Variants in PITPNC1 observed in about 807,000 individuals in gnomAD.
PITPNC1 encodes phosphatidylinositol transfer protein cytoplasmic 1.
Under a neutral mutation model 44.7 loss-of-function variants are expected in PITPNC1, and 18 were observed. The ratio of observed to expected loss-of-function variants is 0.40; its 90% CI spans 0.28 to 0.60. The LOEUF is 0.60. Ranked by LOEUF, PITPNC1 falls within the 20% of genes least tolerant of loss-of-function variation. PITPNC1 has a pLI of 0.39. For synonymous variants in PITPNC1, 141 were observed against 149.6 expected, an observed-to-expected ratio of 0.94 and a Z score of 0.42; for missense variants, 290 against 418.4, an observed-to-expected ratio of 0.69 and a Z score of 2.68.
chr17:67,489,962 T>A (rs2039838861), intron 1 of PITPNC1, among the ~76,000 whole-genome samples: 1 of 152,156 alleles, frequency 6.6e-6, no homozygotes, highest in Non-Finnish European at 1.5e-5. Context: ...CAGGCTGGTC[T>A]CGAACCTCAA....
chr17:67,427,907 G>T (rs1387926192), intron 1 of PITPNC1, among the ~76,000 whole-genome samples: 1 of 152,214 alleles, frequency 6.6e-6, no homozygotes, highest in African/African-American at 2.4e-5. Flanking sequence ...TGTCTGAAAT[G>T]ATAATAGTTC....
At chr17:67,584,583 A>G (rs1052076128) in intron 5 of PITPNC1, among the ~76,000 whole-genome samples, 4 of 152,138 alleles carry the variant, frequency 2.6e-5, no homozygotes, top group African/African-American at 9.7e-5. Flanking sequence ...CAGGGTGTAG[A>G]GGATGCATAG....
At chr17:67,606,497 CGGAGACGTTT>C (rs1439658609) in intron 5 of PITPNC1, among the ~76,000 whole-genome samples, 1 of 152,216 alleles carries the variant, frequency 6.6e-6, no homozygotes, top group Admixed American at 6.5e-5. Context: ...TCGGCTAAGT[CGGAGACGTTT>C]GCAGATGCAG....
At chr17:67,573,738 T>C (rs2041095972) in intron 4 of PITPNC1, among the ~76,000 whole-genome samples, 1 of 151,948 alleles carries the variant, frequency 6.6e-6, no homozygotes, top group Non-Finnish European at 1.5e-5. Flanking sequence ...AATTCTTGTA[T>C]TTTTGTAGAG....
intron 8 of PITPNC1, among the ~76,000 whole-genome samples, chr17:67,692,080 A>G (rs1266296039): frequency 3.3e-5 from 5 of 152,138 alleles, no homozygotes; most frequent in East Asian, 1.9e-4. Flanking sequence ...CTATAAAGGT[A>G]TACTTTCATG....
In PITPNC1 at chr17:67,602,364, CA is replaced by C. The variant is rs2041551783; in HGVS notation, c.366+24108del. Among the ~76,000 whole-genome samples, 4 of 152,000 alleles carry C rather than the reference CA, an allele frequency of 2.6e-5. No homozygotes were observed. In the South Asian group the frequency reaches 8.3e-4, roughly 32 times the overall value. ...TTGGAGCAAAAGTAACTAGAGCTTT[CA>C]GATTTCAGAAGTGGAATAATTCCAG... On this transcript the variant is annotated intron_variant, in intron 5 of 8. Transcript: ENST00000581322.
chr17:67,435,893 G>A (rs2038931238), intron 1 of PITPNC1, among the ~76,000 whole-genome samples: 1 of 152,184 alleles, frequency 6.6e-6, no homozygotes, highest in South Asian at 2.1e-4. Context: ...TTCAGCTAGT[G>A]ATAAGTGGTA....
intron 1 of PITPNC1, among the ~76,000 whole-genome samples, chr17:67,469,535 G>C (rs962384401): frequency 6.6e-6 from 1 of 152,158 alleles, no homozygotes; most frequent in African/African-American, 2.4e-5. Flanking sequence ...AGCGTCCTGA[G>C]CCTGGCTGGA....
chr17:67,509,559 A>AAAATAAATAAAT (rs569903843), intron 1 of PITPNC1, among the ~76,000 whole-genome samples: 39 of 146,310 alleles, frequency 2.7e-4, no homozygotes, highest in South Asian at 6.5e-4. Context: ...AATTGAATTA[A>AAAATAAATAAAT]AAATAAATAA....
At chr17:67,640,025 A>T (rs1054438328) in intron 6 of PITPNC1, among the ~76,000 whole-genome samples, 1 of 151,946 alleles carries the variant, frequency 6.6e-6, no homozygotes, top group Non-Finnish European at 1.5e-5. Flanking sequence ...GATTTAACAC[A>T]GCTGCCTCAT....
chr17:67,586,823 G>A lies in PITPNC1; in HGVS notation c.366+8566G>A, dbSNP rs561223162. Among the ~76,000 whole-genome samples the A allele has an allele frequency of 7.2e-5, 11 of 152,288 alleles. No individual in the cohort carries two copies. In the South Asian group the frequency reaches 1.4e-3, roughly 20 times the overall value. On this transcript the variant is annotated intron_variant, in intron 5 of 8. Transcript: ENST00000581322. ...ATGTTTTAAAATGTTTGCTCTGGCT[G>A]TTCTGTGGAGAATTAGTGAAAGGCA...
intron 6 of PITPNC1, among the ~76,000 whole-genome samples, chr17:67,635,947 G>T (rs1289533673): frequency 2.0e-5 from 3 of 152,148 alleles, no homozygotes; most frequent in Non-Finnish European, 4.4e-5. Flanking sequence ...CTAGAGTGTA[G>T]AGGCCAGGGA....
At chr17:67,451,490 C>T (rs2039174659) in intron 1 of PITPNC1, among the ~76,000 whole-genome samples, 1 of 152,150 alleles carries the variant, frequency 6.6e-6, no homozygotes, top group Non-Finnish European at 1.5e-5. Context: ...CCCTAAACAT[C>T]CTCCTTGCCT....
chr17:67,433,487 C>T (rs1421320386), intron 1 of PITPNC1, among the ~76,000 whole-genome samples: 1 of 152,098 alleles, frequency 6.6e-6, no homozygotes, highest in African/African-American at 2.4e-5. Flanking sequence ...ACTCGAAATC[C>T]CAGCACTTTA....
At chr17:67,397,272 C>G (rs1025836838) in intron 1 of PITPNC1, among the ~76,000 whole-genome samples, 1 of 152,284 alleles carries the variant, frequency 6.6e-6, no homozygotes, top group South Asian at 2.1e-4. Flanking sequence ...TCAGCCACCA[C>G]GCCTGGCCGT....
intron 1 of PITPNC1, among the ~76,000 whole-genome samples, chr17:67,459,317 A>G (rs1322001364): frequency 6.6e-6 from 1 of 151,864 alleles, no homozygotes; most frequent in Non-Finnish European, 1.5e-5. Context: ...GGGTTTCACC[A>G]TGTTGGCCAG....
At chr17:67,628,963 A>C (rs2041930565) in intron 5 of PITPNC1, among the ~76,000 whole-genome samples, 1 of 152,140 alleles carries the variant, frequency 6.6e-6, no homozygotes, top group African/African-American at 2.4e-5. Context: ...GTAAAGGAGA[A>C]ATGCTTACAG....
chr17:67,385,260 G>T (rs1435592596), intron 1 of PITPNC1, among the ~76,000 whole-genome samples: 1 of 149,170 alleles, frequency 6.7e-6, no homozygotes, highest in African/African-American at 2.4e-5. Flanking sequence ...TCAGGTCTCT[G>T]TGGCTAGCTA....
intron 1 of PITPNC1, among the ~76,000 whole-genome samples, chr17:67,516,891 T>A (rs982981724): frequency 2.0e-5 from 3 of 152,160 alleles, no homozygotes; most frequent in Non-Finnish European, 2.9e-5. Context: ...ATTACAGGCA[T>A]AAGCCACCAC....
Sources: allele counts gnomAD v4.1 joint callset (sites outside exome capture counted in the v4.1 genomes callset), GRCh38; gene constraint gnomAD v4.1.1; transcripts MANE v1.5; gene names NCBI Gene and HGNC (gene_info 2026-07-23, HGNC 2026-07-21).